TATDN3: variants seen among roughly 807,000 people sequenced by gnomAD.
TATDN3 encodes deoxyribonuclease TATDN3.
TATDN3 carries 29 observed loss-of-function variants against 40.1 expected under a neutral mutation model. The observed-to-expected ratio is 0.72, with a 90% confidence interval of 0.54 to 0.99. The LOEUF is 0.99. TATDN3 is among the 50% of genes least tolerant of loss of function. TATDN3 has a pLI of 0.00. For missense variants in TATDN3, 309 were observed against 321.9 expected (o/e 0.96, Z 0.31); for synonymous variants, 105 against 117.0 (o/e 0.90, Z 0.66).
chr1:212,802,171 A>G (rs552516386), intron 4 of TATDN3, among the ~76,000 whole-genome samples: 42 of 152,364 alleles, frequency 2.8e-4, no homozygotes, highest in Non-Finnish European at 4.4e-4. Flanking sequence ...ACAAGCATAT[A>G]TGAGATACTC....
rs190068165 is a variant in TATDN3 at position 212,796,755 on chromosome 1, A to G, written c.173+165A>G. The G allele has an allele frequency of 7.1e-4, 374 of 526,138 alleles. 3 individuals are homozygous for G. The highest frequency in any genetic ancestry group is 6.8e-3 in the African/African-American group (342 of 50,386). 32.6% of individuals were successfully genotyped at this position (526,138 alleles called of 1,614,324 possible). A position where few individuals can be genotyped will look rare whatever the true frequency, so the allele number is the denominator to read the frequency against. On this transcript the variant is annotated intron_variant, in intron 3 of 9. Transcript: ENST00000366974. ...TACTTATTCCTTTTTTTTTTCTTTG[A>G]GAGATGGAGTCTTGCTCTGTCACCC...
intron 7 of TATDN3, 130 bp downstream of exon 7, chr1:212,804,781 T>C: frequency 1.4e-6 from 1 of 724,564 alleles, no homozygotes. Flanking sequence ...GCAGAAATCA[T>C]CTAAGATGAT....
At chr1:212,804,459 C>A (rs1216344806) in intron 6 of TATDN3, 30 bp downstream of exon 6, 8 of 1,579,448 alleles carry the variant, frequency 5.1e-6, no homozygotes, top group Non-Finnish European at 7.0e-6. Context: ...ATGTTAATAG[C>A]TATAGAGCAA....
At chr1:212,814,006 G>A in intron 9 of TATDN3, among the ~76,000 whole-genome samples, 1 of 151,368 alleles carries the variant, frequency 6.6e-6, no homozygotes, top group South Asian at 2.1e-4. Context: ...TTTTAATAGA[G>A]ACAAGGTCTC....
chr1:212,805,551 T>C (rs1012232683), intron 7 of TATDN3, among the ~76,000 whole-genome samples: 7 of 152,154 alleles, frequency 4.6e-5, no homozygotes, highest in African/African-American at 1.7e-4. Context: ...CGACTGTGCC[T>C]GGCCAGCAGC....
intron 8 of TATDN3, among the ~76,000 whole-genome samples, chr1:212,809,769 A>AT (rs1662753850): frequency 6.6e-6 from 1 of 152,138 alleles, no homozygotes; most frequent in Non-Finnish European, 1.5e-5. Flanking sequence ...CACACCTGTA[A>AT]TCCCAGCACT....
chr1:212,794,911 A>G (rs1661637776), intron 1 of TATDN3, 184 bp from the exon 2 acceptor site: 1 of 657,268 alleles, frequency 1.5e-6, no homozygotes, highest in Admixed American at 2.2e-5. Context: ...TGGGAACAGT[A>G]GCCAGACTTT....
At chr1:212,797,950 A>G (rs970507845) in intron 4 of TATDN3, among the ~76,000 whole-genome samples, 4 of 152,214 alleles carry the variant, frequency 2.6e-5, no homozygotes, top group Admixed American at 1.3e-4. Flanking sequence ...GTTTTATTGC[A>G]TAATGGGTTT....
At chr1:212,811,483 C>G (rs1219971784) in intron 8 of TATDN3, among the ~76,000 whole-genome samples, 1 of 151,666 alleles carries the variant, frequency 6.6e-6, no homozygotes, top group African/African-American at 2.4e-5. Flanking sequence ...AGGCTGGTCT[C>G]GAACTCCTGG....
At position 212,810,511 on chromosome 1, in the gene TATDN3, C is replaced by CAAAAA. The variant is rs55912631; in HGVS notation, c.601-1715_601-1711dup. ...TGGGTGACAGAGCGAGACTCTGTCT[C>CAAAAA]AAAAAAAAAAAAAAAAAAAAAAAAA... is the stretch of plus-strand genomic sequence containing the variant. On this transcript the variant is annotated intron_variant, in intron 8 of 9. Transcript: ENST00000366974. 3.5e-3 allele frequency among the ~76,000 whole-genome samples: 176 copies of CAAAAA among 49,716 alleles called. 4 individuals carry two copies. The highest frequency in any genetic ancestry group is 0.016 in the Middle Eastern group (1 of 64). 32.6% of individuals were successfully genotyped at this position (49,716 alleles called of 152,430 possible).
chr1:212,812,031 C>T (rs549924951), intron 8 of TATDN3, among the ~76,000 whole-genome samples: 9 of 152,172 alleles, frequency 5.9e-5, no homozygotes, highest in African/African-American at 2.2e-4. Context: ...GACGGGGTTT[C>T]ACCATGTTGG....
At chr1:212,794,795 G>T in intron 1 of TATDN3, 1 of 538,074 alleles carries the variant, frequency 1.9e-6, no homozygotes, top group Non-Finnish European at 3.6e-6. Context: ...TTTCAAGAAG[G>T]AAGGAGTAAG....
chr1:212,801,935 C>T (rs1021098069), intron 4 of TATDN3, among the ~76,000 whole-genome samples: 2 of 152,158 alleles, frequency 1.3e-5, no homozygotes, highest in African/African-American at 4.8e-5. Flanking sequence ...ATCTGCTTTA[C>T]CTTCCTTTTC....
chr1:212,798,819 G>A (rs1309721140), intron 4 of TATDN3, among the ~76,000 whole-genome samples: 1 of 152,214 alleles, frequency 6.6e-6, no homozygotes, highest in African/African-American at 2.4e-5. Context: ...GTAAGATCCT[G>A]CTCATGGAAG....
intron 7 of TATDN3, among the ~76,000 whole-genome samples, chr1:212,807,436 A>G (rs1312580039): frequency 2.0e-5 from 3 of 151,932 alleles, no homozygotes; most frequent in Non-Finnish European, 4.4e-5. Context: ...TATTTTTTGT[A>G]GAGACGGGGT....
intron 4 of TATDN3, among the ~76,000 whole-genome samples, chr1:212,799,464 T>A (rs1209067712): frequency 6.6e-6 from 1 of 152,040 alleles, no homozygotes; most frequent in African/African-American, 2.4e-5. Context: ...GGCATATATT[T>A]GGCATTAATA....
chr1:212,800,651 C>A (rs1662113945), intron 4 of TATDN3, among the ~76,000 whole-genome samples: 1 of 151,950 alleles, frequency 6.6e-6, no homozygotes, highest in Admixed American at 6.6e-5. Context: ...CTCCTTTGAT[C>A]CCTTTTGCCC....
chr1:212,806,930 A>ACACATATATACATATATATT (rs1662574615), intron 7 of TATDN3, among the ~76,000 whole-genome samples: 3 of 138,596 alleles, frequency 2.2e-5, no homozygotes, highest in African/African-American at 7.9e-5. Context: ...ACATATATAT[A>ACACATATATACATATATATT]TATTTATTTA....
chr1:212,795,326 A>G (rs1469075447), intron 2 of TATDN3, among the ~76,000 whole-genome samples, 199 bp downstream of exon 2: 1 of 151,624 alleles, frequency 6.6e-6, no homozygotes, highest in East Asian at 1.9e-4. Context: ...GCTGGAGTGC[A>G]GTCGTGTGAT....
Sources: allele counts gnomAD v4.1 joint callset (sites outside exome capture counted in the v4.1 genomes callset), GRCh38; gene constraint gnomAD v4.1.1; transcripts MANE v1.5; gene names NCBI Gene and HGNC (gene_info 2026-07-23, HGNC 2026-07-21).